The following THNSL1 variants were observed in gnomAD, a reference collection of about 807,000 sequenced individuals.
THNSL1 encodes threonine synthase like 1.
A neutral mutation model predicts 50.4 loss-of-function variants in THNSL1; 48 were observed. That is an observed-to-expected ratio of 0.95 (90% CI 0.76 to 1.21). The LOEUF is 1.21. THNSL1 is among the 50% of genes most tolerant of loss of function. THNSL1 has a pLI of 0.00. For missense variants in THNSL1, 896 were observed against 871.7 expected (o/e 1.03, Z -0.35); for synonymous variants, 309 against 306.1 (o/e 1.01, Z -0.10).
chr10:24,967,869 A>ATG, the THNSL1 span, among the ~76,000 whole-genome samples: 3 of 148,864 alleles, frequency 2.0e-5, no homozygotes, highest in East Asian at 6.0e-4. Flanking sequence ...GATGTATATG[A>ATG]TGTGTGTGTA....
chr10:24,995,707 C>T, the THNSL1 span: 2 of 1,614,026 alleles, frequency 1.2e-6, no homozygotes, highest in Admixed American at 3.3e-5. Flanking sequence ...GTCTCCAGTT[C>T]TTTTATCAAC....
the THNSL1 span, among the ~76,000 whole-genome samples, chr10:24,976,240 G>A: frequency 6.6e-6 from 1 of 152,182 alleles, no homozygotes; most frequent in Non-Finnish European, 1.5e-5. Flanking sequence ...ATTTTATTGT[G>A]TGTGAAGGGA....
At chr10:25,004,887 G>A in the THNSL1 span, among the ~76,000 whole-genome samples, 1 of 152,120 alleles carries the variant, frequency 6.6e-6, no homozygotes, top group Non-Finnish European at 1.5e-5. Flanking sequence ...GATTTTTATA[G>A]TTTTGGGTTT....
the THNSL1 span, among the ~76,000 whole-genome samples, chr10:25,003,518 T>C: frequency 6.6e-6 from 1 of 152,220 alleles, no homozygotes; most frequent in Non-Finnish European, 1.5e-5. Flanking sequence ...GTGTTTCTAT[T>C]TCTGTAAGAA....
chr10:24,959,894 T>C, the THNSL1 span, among the ~76,000 whole-genome samples: 102 of 152,328 alleles, frequency 6.7e-4, no homozygotes, highest in African/African-American at 2.4e-3. Flanking sequence ...TAAAAATATA[T>C]AATAGGAATT....
At chr10:24,985,194 T>C in the THNSL1 span, among the ~76,000 whole-genome samples, 1 of 152,176 alleles carries the variant, frequency 6.6e-6, no homozygotes, top group Non-Finnish European at 1.5e-5. Flanking sequence ...CGCAGAGTTA[T>C]GAGTAGTGTG....
At chr10:24,952,531 G>A in the THNSL1 span, 2 of 1,587,482 alleles carry the variant, frequency 1.3e-6, no homozygotes, top group Admixed American at 1.8e-5. This position sits in a 1 kb window ranked among gnomAD's most constrained non-coding sequence, Gnocchi z 5.1. Context: ...CATTTACCAC[G>A]ACGCCTCGCC....
chr10:24,998,904 A>G, the THNSL1 span, among the ~76,000 whole-genome samples: 2 of 152,210 alleles, frequency 1.3e-5, no homozygotes, highest in African/African-American at 2.4e-5. Context: ...AGTCTCCTCC[A>G]TTACATCTAA....
the THNSL1 span, chr10:24,984,944 C>G: frequency 4.6e-6 from 7 of 1,524,464 alleles, no homozygotes; most frequent in Non-Finnish European, 5.4e-6. Flanking sequence ...CCAAAGCAAA[C>G]TGCAAAAGTA....
Position 25,025,592 on chromosome 10 carries a change from C to A in THNSL1, c.*137C>A. The A allele has an allele frequency of 1.2e-6, 1 of 838,850 alleles. No individual in the cohort carries two copies. Among genetic ancestry groups the A allele is most frequent in the Non-Finnish European group, 1.8e-6 (1 of 544,690 alleles). The allele number at this position is 838,850 out of a possible 1,614,324, so 52.0% of individuals were successfully genotyped here. ...GTTTGGAATTTCAAAAGTCTGATCTCTAGGGCTGACATGAGAACTCCATGT... is the reference window on the plus strand; with the variant it reads ...GTTTGGAATTTCAAAAGTCTGATCTATAGGGCTGACATGAGAACTCCATGT... On this transcript the variant is annotated 3_prime_UTR_variant, in exon 3 of 3. Transcript: ENST00000376356.
At chr10:25,012,822 T>C (rs1588665461), upstream of THNSL1, among the ~76,000 whole-genome samples, 2 of 152,092 alleles carry the variant, frequency 1.3e-5, no homozygotes, top group African/African-American at 4.8e-5. Flanking sequence ...TGGGGGACTG[T>C]TGGGAAGGTA....
rs775833140 is a variant in THNSL1, at chr10:25,024,774, A to G, written c.1551A>G (p.Ala517=). ...GAAACTTTGGTAACATTTTAGCAGCAGTGTATGCCAAAATGATGGGAATCC... is the reference window on the plus strand; with the variant it reads ...GAAACTTTGGTAACATTTTAGCAGCGGTGTATGCCAAAATGATGGGAATCC... ...PTGNFGNILA[A]VYAKMMGIPI... Residue 517 remains alanine, a synonymous_variant, in exon 3 of 3, where the codon GCA becomes GCG. Coordinates refer to ENST00000376356, the MANE Select transcript of THNSL1 (RefSeq NM_024838.5). The G allele has an allele frequency of 6.2e-7, 1 of 1,614,204 alleles. No individual in the cohort carries two copies. The highest frequency in any genetic ancestry group is 8.5e-7 in the Non-Finnish European group (1 of 1,180,032).
At chr10:24,967,645 C>CGT in the THNSL1 span, among the ~76,000 whole-genome samples, 3 of 151,612 alleles carry the variant, frequency 2.0e-5, no homozygotes, top group East Asian at 5.8e-4. Context: ...CTCCTATGTG[C>CGT]GTGTGTGTGT....
At chr10:24,995,540 ATGTGT>A in the THNSL1 span, 2 of 995,968 alleles carry the variant, frequency 2.0e-6, no homozygotes, top group African/African-American at 3.3e-5. Flanking sequence ...AAAGTAGACA[ATGTGT>A]CCAATGAGAG....
the THNSL1 span, among the ~76,000 whole-genome samples, chr10:24,996,384 T>G: frequency 6.6e-6 from 1 of 152,066 alleles, no homozygotes; most frequent in Non-Finnish European, 1.5e-5. Flanking sequence ...ATCATGCCAT[T>G]GTACTCCAGC....
chr10:25,015,889 A>C, upstream of THNSL1: 2 of 1,606,206 alleles, frequency 1.2e-6, no homozygotes, highest in Non-Finnish European at 1.7e-6. Flanking sequence ...CCTTCAAGTC[A>C]CTGGGTATGA....
At chr10:24,986,435 A>G in the THNSL1 span, among the ~76,000 whole-genome samples, 3 of 152,214 alleles carry the variant, frequency 2.0e-5, no homozygotes, top group African/African-American at 7.2e-5. Flanking sequence ...AGGAGGCTAC[A>G]CAGTTCTTGA....
the THNSL1 span, among the ~76,000 whole-genome samples, chr10:24,968,282 G>T: frequency 2.6e-5 from 4 of 152,040 alleles, no homozygotes; most frequent in African/African-American, 7.3e-5. Flanking sequence ...CTTCTCCAGG[G>T]CTGATGCACA....
chr10:24,976,477 T>C, the THNSL1 span, among the ~76,000 whole-genome samples: 1 of 152,100 alleles, frequency 6.6e-6, no homozygotes. Flanking sequence ...CTATAAAGCA[T>C]TCTTTTTTCT....
Sources: gnomAD v4.1 joint callset for allele counts (sites outside exome capture counted in the v4.1 genomes callset) on GRCh38, gnomAD v4.1.1 for gene constraint, Gnocchi (gnomAD v3.1) non-coding constraint, MANE v1.5 for transcripts, NCBI Gene and HGNC (gene_info 2026-07-23, HGNC 2026-07-21) for gene names.